The following APPBP2 variants were observed in gnomAD, a reference collection of about 807,000 sequenced individuals.
APPBP2 encodes amyloid protein-binding protein 2.
In APPBP2, 15 loss-of-function variants were observed where a neutral mutation model predicts 76.0. The observed-to-expected ratio is 0.20, with a 90% CI of 0.13 to 0.30. The LOEUF (loss-of-function observed/expected upper bound fraction) is 0.30, where lower values mean the gene tolerates loss of function less well. Among genes scored for constraint, APPBP2 ranks in the 10% least tolerant of loss-of-function variants. The pLI is 1.00. For missense variants in APPBP2, 401 were observed against 687.2 expected (o/e 0.58, Z 4.66); for synonymous variants, 222 against 242.2 (o/e 0.92, Z 0.77).
chr17:60,510,424 T>TA (rs1056382695), intron 1 of APPBP2, among the ~76,000 whole-genome samples: 1 of 149,900 alleles, frequency 6.7e-6, no homozygotes, highest in Non-Finnish European at 1.5e-5. Flanking sequence ...TTTTAAAAAG[T>TA]AAAAAACTCA....
At chr17:60,485,283 G>A (rs148236457) in intron 3 of APPBP2, among the ~76,000 whole-genome samples, 3,693 of 152,236 alleles carry the variant, frequency 0.024, 73 homozygotes, top group Non-Finnish European at 0.037. Flanking sequence ...AATGGTACCA[G>A]CTCCTCTTTG....
chr17:60,453,418 C>T (rs763351152), intron 11 of APPBP2, among the ~76,000 whole-genome samples: 7 of 151,976 alleles, frequency 4.6e-5, no homozygotes, highest in Admixed American at 4.6e-4. Flanking sequence ...TCCTGACCCT[C>T]AAGTGTTCTG....
At chr17:60,456,858 G>A (rs1002193755) in intron 9 of APPBP2, among the ~76,000 whole-genome samples, 7 of 152,134 alleles carry the variant, frequency 4.6e-5, no homozygotes, top group South Asian at 2.1e-4. Flanking sequence ...ACCACTGGCC[G>A]GGTGCAGTGG....
Position 60,443,482 on chromosome 17 carries a change from CCT to C in APPBP2, c.*4097_*4098del, listed in dbSNP as rs1445719556. ...TTTTGAGCCTATTAAACTAAAATCC[CCT>C]GTTGCTTAATAAAGTATAAAAATAG... is the stretch of plus-strand genomic sequence containing the variant. On this transcript the variant is annotated 3_prime_UTR_variant, in exon 13 of 13. Coordinates refer to ENST00000083182, the MANE Select transcript of APPBP2 (RefSeq NM_006380.5). 7 of 152,602 alleles carry C rather than the reference CCT, an allele frequency of 4.6e-5. No homozygotes were observed. Among genetic ancestry groups the C allele is most frequent in the East Asian group, 3.9e-4 (2 of 5,190 alleles). 9.5% of individuals were successfully genotyped at this position (152,602 alleles called of 1,614,324 possible).
chr17:60,494,256 T>A (rs1229824257), intron 3 of APPBP2, among the ~76,000 whole-genome samples: 2 of 152,230 alleles, frequency 1.3e-5, no homozygotes, highest in Non-Finnish European at 2.9e-5. Flanking sequence ...ATGCTATTAA[T>A]ACCATCACTT....
chr17:60,483,494 C>T (rs552156367), intron 3 of APPBP2, among the ~76,000 whole-genome samples: 8 of 152,134 alleles, frequency 5.3e-5, no homozygotes, highest in South Asian at 4.2e-4. Flanking sequence ...CCTGGGTTCA[C>T]GCCATTCTCC....
chr17:60,509,517 A>G (rs1291429384), intron 1 of APPBP2, among the ~76,000 whole-genome samples: 2 of 151,834 alleles, frequency 1.3e-5, no homozygotes, highest in East Asian at 3.9e-4. Context: ...AGATGAAATT[A>G]CCTGGCCAGG....
chr17:60,506,213 C>T (rs2090866868), intron 1 of APPBP2, among the ~76,000 whole-genome samples: 1 of 151,292 alleles, frequency 6.6e-6, no homozygotes, highest in Non-Finnish European at 1.5e-5. Flanking sequence ...GCCTGGTGTA[C>T]AAACTCTTGG....
chr17:60,525,583 C>T (rs1598381373), intron 1 of APPBP2, among the ~76,000 whole-genome samples: 1 of 152,152 alleles, frequency 6.6e-6, no homozygotes, highest in Non-Finnish European at 1.5e-5. Flanking sequence ...CAAGACTCCC[C>T]AAGATTACTT....
intron 4 of APPBP2, among the ~76,000 whole-genome samples, chr17:60,471,614 G>T (rs1176178003): frequency 6.7e-6 from 1 of 149,430 alleles, no homozygotes; most frequent in Non-Finnish European, 1.5e-5. Context: ...TTAACATGGT[G>T]TATCACACTG....
At chr17:60,515,113 T>A (rs910584409) in intron 1 of APPBP2, among the ~76,000 whole-genome samples, 3 of 108,904 alleles carry the variant, frequency 2.8e-5, no homozygotes, top group South Asian at 2.5e-4. Context: ...CTATTTTAAA[T>A]TTTTTTTTTT....
intron 1 of APPBP2, among the ~76,000 whole-genome samples, chr17:60,520,298 C>A (rs962027027): frequency 2.6e-5 from 4 of 152,222 alleles, no homozygotes; most frequent in Admixed American, 1.3e-4. Context: ...GGAGGCCGGG[C>A]GCAGTGGCTC....
chr17:60,478,022 A>C (rs1310827527), intron 4 of APPBP2, among the ~76,000 whole-genome samples: 1 of 151,952 alleles, frequency 6.6e-6, no homozygotes, highest in Non-Finnish European at 1.5e-5. Flanking sequence ...CCAAAACAAA[A>C]ATACAATGGT....
chr17:60,507,176 C>T (rs1228433042), intron 1 of APPBP2, among the ~76,000 whole-genome samples: 2 of 151,890 alleles, frequency 1.3e-5, no homozygotes, highest in Non-Finnish European at 2.9e-5. Context: ...CAAAACAGTA[C>T]CCAGTAAGTA....
intron 3 of APPBP2, among the ~76,000 whole-genome samples, chr17:60,483,567 G>A (rs1469034961): frequency 6.6e-6 from 1 of 151,958 alleles, no homozygotes; most frequent in Non-Finnish European, 1.5e-5. Context: ...CTATTTTTTT[G>A]TATTTTTAGT....
chr17:60,499,329 T>C (rs2143449737), intron 2 of APPBP2, among the ~76,000 whole-genome samples: 1 of 147,396 alleles, frequency 6.8e-6, no homozygotes, highest in South Asian at 2.1e-4. Flanking sequence ...CAAGACTGTG[T>C]CTCAAAAAAA....
intron 4 of APPBP2, among the ~76,000 whole-genome samples, chr17:60,478,011 C>A (rs1420722734): frequency 5.3e-5 from 8 of 151,438 alleles, no homozygotes; most frequent in Admixed American, 1.3e-4. Flanking sequence ...TAAAAAAAAA[C>A]CCAAAACAAA....
In APPBP2 at chr17:60,451,915, T is replaced by A; in HGVS notation, c.1469A>T (p.Asn490Ile). The change falls in exon 12 of 13, where the codon AAT becomes ATT. Residue 490 changes from asparagine (N) to isoleucine (I), a missense_variant. Coordinates refer to ENST00000083182, the MANE Select transcript of APPBP2 (RefSeq NM_006380.5). ...LYNYDMNQYE[N>I]AEKLYLRSIA... ...AGATCGCAAATAAAGTTTCTCAGCA[T>A]TTTCATACTGATTCATGTCATAATT... is the stretch of plus-strand genomic sequence containing the variant. 1 of 1,612,288 alleles carries A rather than the reference T, an allele frequency of 6.2e-7. No individual in the cohort carries two copies. The highest frequency in any genetic ancestry group is 8.5e-7 in the Non-Finnish European group (1 of 1,179,476).
At chr17:60,484,749 T>C (rs903385482) in intron 3 of APPBP2, among the ~76,000 whole-genome samples, 1 of 152,190 alleles carries the variant, frequency 6.6e-6, no homozygotes, top group Non-Finnish European at 1.5e-5. Context: ...TGGCCAGAAC[T>C]TCCAACACTA....
Sources: allele counts gnomAD v4.1 joint callset (sites outside exome capture counted in the v4.1 genomes callset), GRCh38; gene constraint gnomAD v4.1.1; transcripts MANE v1.5; gene names NCBI Gene and HGNC (gene_info 2026-07-23, HGNC 2026-07-21).